Variants in NACA observed in about 807,000 individuals in gnomAD.
NACA encodes nascent polypeptide associated complex subunit alpha, also known as nascent polypeptide-associated complex subunit alpha.
In NACA, 42 loss-of-function variants were observed where a neutral mutation model predicts 86.4. That is an observed-to-expected ratio of 0.49 (90% CI 0.38 to 0.63). NACA has a LOEUF of 0.63. Among genes scored for constraint, NACA ranks in the 20% least tolerant of loss-of-function variants. NACA has a pLI of 0.00. For missense variants in NACA, 2,157 were observed against 2,483.6 expected (o/e 0.87, Z 2.80); for synonymous variants, 898 against 973.7 (o/e 0.92, Z 1.45).
chr12:56,719,806 C>T lies in NACA; in HGVS notation c.1724G>A (p.Ser575Asn). The T allele has an allele frequency of 6.2e-7, 1 of 1,613,514 alleles. No individual in the cohort carries two copies. Among genetic ancestry groups the T allele is most frequent in the Non-Finnish European group, 8.5e-7 (1 of 1,179,842 alleles). The stretch of plus-strand genomic sequence containing the variant: ...AGGTATCTCTGGAGAAGAGGATGTA[C>T]TTTGGAAAGAAGGGGAATTTTTAGG... The part of the protein sequence containing the change: ...AAPKNSPSFQ[S>N]TSSSPEIPLS... The change falls in exon 3 of 9, where the codon AGT becomes AAT. Residue 575 changes from serine to asparagine, a missense_variant. Around this residue, in one of 8 missense-constraint regions of NACA, gnomAD observed 947 missense variants for 917.9 expected, o/e 1.03. Coordinates refer to ENST00000454682, the MANE Select transcript of NACA (RefSeq NM_001365896.1).
intron 2 of NACA, among the ~76,000 whole-genome samples, chr12:56,723,190 T>C (rs1204642413): frequency 6.6e-6 from 1 of 152,226 alleles, no homozygotes; most frequent in Admixed American, 6.5e-5. Context: ...TAATAGACTA[T>C]CATTACAGAT....
At chr12:56,714,783 G>T in intron 3 of NACA, 96 bp from the exon 4 acceptor site, 1 of 1,100,312 alleles carries the variant, frequency 9.1e-7, no homozygotes, top group Non-Finnish European at 1.4e-6. Flanking sequence ...AATGCCTCAT[G>T]CTAGACCTAA....
At chr12:56,713,868 G>T in intron 5 of NACA, 185 bp from the exon 6 acceptor site, 2 of 607,034 alleles carry the variant, frequency 3.3e-6, no homozygotes, top group South Asian at 2.1e-5. Flanking sequence ...TTGGAGGCAG[G>T]TCTTGCTCTG....
chr12:56,719,568 G>T lies in NACA; in HGVS notation c.1962C>A (p.Asp654Glu), dbSNP rs753286740. 7.4e-6 allele frequency: 12 copies of T among 1,613,922 alleles called. No homozygotes were observed. Among genetic ancestry groups the T allele is most frequent in the Non-Finnish European group, 8.5e-6 (10 of 1,179,872 alleles). Residue 654 changes from aspartate (D) to glutamate (E), a missense_variant, in exon 3 of 9, where the codon GAC (aspartate) becomes GAA (glutamate). By Grantham distance (45) the Asp-to-Glu change is conservative. This residue lies in a region of NACA where 947 missense variants were observed against 917.9 expected (regional missense o/e 1.03). Coordinates refer to ENST00000454682, the MANE Select transcript of NACA (RefSeq NM_001365896.1). The part of the protein sequence containing the change: ...TVAAFPLESA[D>E]PAGVAPTTAK... ...CAGTTGTGGGAGCCACCCCGGCAGG[G>T]TCAGCACTTTCCAAAGGAAATGCAG...
intron 2 of NACA, among the ~76,000 whole-genome samples, chr12:56,723,684 A>C (rs1953633574): frequency 6.6e-6 from 1 of 152,198 alleles, no homozygotes; most frequent in South Asian, 2.1e-4. Flanking sequence ...AAAACCAAAA[A>C]GGTGAGAATG....
At position 56,720,047 on chromosome 12, in the gene NACA, T is replaced by G. The variant is rs1592320016; in HGVS notation, c.1483A>C (p.Thr495Pro). 6.2e-7 allele frequency: 1 copy of G among 1,613,572 alleles called. No homozygotes were observed. The highest frequency in any genetic ancestry group is 2.2e-5 in the East Asian group (1 of 44,876). ...MAPVAPKEPSTQVATTLRIPV... is the reference protein window; with the variant it reads ...MAPVAPKEPSPQVATTLRIPV... Reference sequence around the variant, plus strand: ...ATCCTCAGAGTGGTTGCTACTTGAGTAGAAGGCTCTTTGGGAGCCACAGGT... The same window carrying G: ...ATCCTCAGAGTGGTTGCTACTTGAGGAGAAGGCTCTTTGGGAGCCACAGGT... Residue 495 changes from threonine to proline, a missense_variant, in exon 3 of 9, where the codon ACT becomes CCT. Thr to Pro is a conservative substitution (Grantham distance 38, BLOSUM62 -1). Coordinates refer to ENST00000454682, the MANE Select transcript of NACA (RefSeq NM_001365896.1).
intron 2 of NACA, among the ~76,000 whole-genome samples, chr12:56,723,439 TAG>T (rs1315777245): frequency 1.3e-5 from 2 of 152,220 alleles, no homozygotes; most frequent in African/African-American, 4.8e-5. Context: ...ACAGAATCTT[TAG>T]AGAACAGTAC....
Position 56,717,101 on chromosome 12 carries a change from C to T in NACA, c.4429G>A (p.Glu1477Lys). The part of the protein sequence containing the change: ...LPAVTPPSPK[E>K]PPAPKQVATS... ...GCAACTTGTTTGGGGGCTGGGGGCTCCTTGGGGGAAGGAGGAGTCACTGCT... is the reference window on the plus strand; with the variant it reads ...GCAACTTGTTTGGGGGCTGGGGGCTTCTTGGGGGAAGGAGGAGTCACTGCT... The change falls in exon 3 of 9, where the codon GAG (glutamate) becomes AAG (lysine). Residue 1477 changes from glutamate (E) to lysine (K), a missense_variant. Coordinates refer to ENST00000454682, the MANE Select transcript of NACA (RefSeq NM_001365896.1). 2 of 1,247,662 alleles carry T rather than the reference C, an allele frequency of 1.6e-6. No homozygotes were observed. The highest frequency in any genetic ancestry group is 1.8e-5 in the South Asian group (1 of 54,914). The allele number at this position is 1,247,662 out of a possible 1,614,324, so 77.3% of individuals were successfully genotyped here.
intron 4 of NACA, 51 bp downstream of exon 4, chr12:56,714,551 T>G: frequency 6.2e-7 from 1 of 1,608,592 alleles, no homozygotes; most frequent in African/African-American, 1.3e-5. Context: ...AAAGTTGCCC[T>G]GATCAACCCT....
Position 56,720,305 on chromosome 12 carries a change from G to A in NACA, c.1225C>T (p.Pro409Ser). The A allele has an allele frequency of 6.2e-7, 1 of 1,613,834 alleles. No individual in the cohort carries two copies. The highest frequency in any genetic ancestry group is 1.1e-5 in the South Asian group (1 of 91,066). The change falls in exon 3 of 9, where the codon CCT becomes TCT. Residue 409 changes from proline (P) to serine (S), a missense_variant. This residue lies in a region of NACA where 947 missense variants were observed against 917.9 expected (regional missense o/e 1.03). Transcript: ENST00000454682. ...LNVATSFSLS[P>S]TTSLILKSSP... ...CTTTTGAGAATGAGAGAGGTTGTAG[G>A]AGATAATGAAAAAGAGGTAGCTACA...
intron 2 of NACA, among the ~76,000 whole-genome samples, chr12:56,723,473 G>A (rs1455911906): frequency 3.3e-5 from 5 of 151,900 alleles, no homozygotes; most frequent in Admixed American, 3.3e-4. Context: ...CCTTCCTTAA[G>A]CCCCTTGTAC....
chr12:56,713,236 T>C, intron 6 of NACA, 46 bp from the exon 7 acceptor site: 1 of 1,597,104 alleles, frequency 6.3e-7, no homozygotes, highest in South Asian at 1.1e-5. Context: ...TTAGCAGTCT[T>C]TGAAAAATAA....
chr12:56,716,295 A>G lies in NACA; in HGVS notation c.5235T>C (p.Ser1745=). 6.2e-7 allele frequency: 1 copy of G among 1,613,216 alleles called. No homozygotes were observed. Among genetic ancestry groups the G allele is most frequent in the East Asian group, 2.2e-5 (1 of 44,876 alleles). Residue 1745 remains serine (S), a synonymous_variant, in exon 3 of 9, where the codon TCT becomes TCC. Transcript: ENST00000454682. ...CATCTTTGCCTTTTGCTGTCTTTGA[A>G]GAGTCTTTCTGAACAGGGAGTAGAG... ...PAPLLPVQKD[S]SKTAKGKDAS... is the part of the protein sequence containing the mutation.
In NACA at chr12:56,719,985, G is replaced by T; in HGVS notation, c.1545C>A (p.Leu515=). The change falls in exon 3 of 9, where the codon CTC becomes CTA. Residue 515 remains leucine (L), a synonymous_variant. Coordinates refer to ENST00000454682, the MANE Select transcript of NACA (RefSeq NM_001365896.1). ...VSPPLPDPED[L]KNLPSSVLVK... ...CCAATACTGAACTGGGGAGATTTTT[G>T]AGGTCTTCAGGGTCTGGCAGAGGAG... The T allele has an allele frequency of 6.2e-7, 1 of 1,613,850 alleles. No homozygotes were observed. The highest frequency in any genetic ancestry group is 8.5e-7 in the Non-Finnish European group (1 of 1,179,854).
intron 8 of NACA, 98 bp downstream of exon 8, chr12:56,712,688 G>A: frequency 3.1e-6 from 5 of 1,602,158 alleles, no homozygotes. Context: ...GCTCTGGAAT[G>A]AGGTTCCTTA....
At chr12:56,724,724 T>G in intron 1 of NACA, 1 of 565,182 alleles carries the variant, frequency 1.8e-6, no homozygotes, top group Non-Finnish European at 3.1e-6. Flanking sequence ...AGGCCAGCAA[T>G]TCCCACTGCA....
chr12:56,718,463 GACT>G lies in NACA; in HGVS notation c.3064_3066del (p.Ser1022del). The G allele has an allele frequency of 1.7e-6, 2 of 1,193,034 alleles. No individual in the cohort carries two copies. The highest frequency in any genetic ancestry group is 1.8e-5 in the South Asian group (1 of 56,778). 73.9% of individuals were successfully genotyped at this position (1,193,034 alleles called of 1,614,324 possible). A position where few individuals can be genotyped will look rare whatever the true frequency, so the allele number is the denominator to read the frequency against. On this transcript the variant is annotated inframe_deletion, in exon 3 of 9. Coordinates refer to ENST00000454682, the MANE Select transcript of NACA (RefSeq NM_001365896.1). ...CCTTTGGGGAATGGGGTAGCTGCTG[GACT>G]TCCTTTGGGGGAGGGAGGAGTCACA...
At chr12:56,724,596 T>C in intron 1 of NACA, 73 bp from the exon 2 acceptor site, 1 of 1,500,674 alleles carries the variant, frequency 6.7e-7, no homozygotes, top group Non-Finnish European at 9.0e-7. Context: ...GAGATAAGTA[T>C]TCTTAAAAAC....
chr12:56,716,102 G>A lies in NACA; in HGVS notation c.5428C>T (p.Leu1810=). 1 of 1,613,546 alleles carries A rather than the reference G, an allele frequency of 6.2e-7. No homozygotes were observed. Among genetic ancestry groups the A allele is most frequent in the Non-Finnish European group, 8.5e-7 (1 of 1,179,774 alleles). Residue 1810 remains leucine (L), a synonymous_variant, in exon 3 of 9, where the codon CTG becomes TTG. Coordinates refer to ENST00000454682, the MANE Select transcript of NACA (RefSeq NM_001365896.1). ...LPLAPSPVPT[L]PPKQQFLPSS... ...GGCAGAAATTGCTGTTTAGGAGGCA[G>A]AGTGGGAACTGGGGAGGGAGCAAGA... is the stretch of plus-strand genomic sequence containing the variant.
Sources: allele counts gnomAD v4.1 joint callset (sites outside exome capture counted in the v4.1 genomes callset), GRCh38; gene constraint gnomAD v4.1.1; regional missense constraint gnomAD v4.1.1; transcripts MANE v1.5; gene names NCBI Gene and HGNC (gene_info 2026-07-23, HGNC 2026-07-21).